UBE2E1: variants seen among roughly 807,000 people sequenced by gnomAD.
UBE2E1 encodes the protein ubiquitin-conjugating enzyme E2 E1.
A neutral mutation model predicts 21.4 loss-of-function variants in UBE2E1; 6 were observed. That is an observed-to-expected ratio of 0.28 (90% CI 0.15 to 0.55). UBE2E1 has a LOEUF of 0.55. UBE2E1 is among the 20% of genes least tolerant of loss of function. The pLI is 0.93. For missense variants in UBE2E1, 142 were observed against 236.5 expected, an observed-to-expected ratio of 0.60 and a Z score of 2.62; for synonymous variants, 87 against 82.7, an observed-to-expected ratio of 1.05 and a Z score of -0.28.
intron 5 of UBE2E1, among the ~76,000 whole-genome samples, chr3:23,890,049 C>G (rs1002121608): frequency 7.9e-5 from 12 of 152,158 alleles, no homozygotes; most frequent in African/African-American, 2.9e-4. Context: ...CAACCTGGCT[C>G]TTTAACCAGC....
intron 3 of UBE2E1, among the ~76,000 whole-genome samples, chr3:23,871,210 G>C (rs1222003695): frequency 6.6e-6 from 1 of 150,780 alleles, no homozygotes; most frequent in Admixed American, 6.6e-5. Context: ...CCCAGACGGG[G>C]TGGTGGCCGG....
At chr3:23,837,234 G>A (rs1214063671) in intron 3 of UBE2E1, among the ~76,000 whole-genome samples, 1 of 152,162 alleles carries the variant, frequency 6.6e-6, no homozygotes, top group Non-Finnish European at 1.5e-5. Context: ...CAGTTATACA[G>A]GTGAGGAAGT....
intron 3 of UBE2E1, among the ~76,000 whole-genome samples, chr3:23,883,196 A>T (rs1234599589): frequency 6.6e-6 from 1 of 152,252 alleles, no homozygotes; most frequent in African/African-American, 2.4e-5. Context: ...ATTCTATGGT[A>T]CACTTCAACC....
intron 3 of UBE2E1, among the ~76,000 whole-genome samples, chr3:23,817,376 T>G (rs1230448864): frequency 7.2e-6 from 1 of 139,748 alleles, no homozygotes; most frequent in Non-Finnish European, 1.5e-5. Flanking sequence ...GAGCCAAGAT[T>G]ACGCCACTGC....
intron 3 of UBE2E1, among the ~76,000 whole-genome samples, chr3:23,862,725 T>A (rs1700581736): frequency 6.6e-6 from 1 of 152,122 alleles, no homozygotes; most frequent in Non-Finnish European, 1.5e-5. Context: ...CGTCTTATCT[T>A]TCTTATTATT....
At chr3:23,866,676 A>C (rs1387507427) in intron 3 of UBE2E1, among the ~76,000 whole-genome samples, 1 of 146,206 alleles carries the variant, frequency 6.8e-6, no homozygotes, top group East Asian at 2.0e-4. Context: ...TCACATTATT[A>C]TCGAAATTCC....
chr3:23,885,140 G>C (rs1171838523), intron 3 of UBE2E1, among the ~76,000 whole-genome samples: 1 of 152,192 alleles, frequency 6.6e-6, no homozygotes, highest in African/African-American at 2.4e-5. Flanking sequence ...TTGGTTTCCA[G>C]ACAACTGTCT....
chr3:23,827,184 AT>A (rs898352801), intron 3 of UBE2E1, among the ~76,000 whole-genome samples: 2 of 152,234 alleles, frequency 1.3e-5, no homozygotes, highest in Non-Finnish European at 2.9e-5. Flanking sequence ...AATAAAAAAA[AT>A]CAAAATACAA....
chr3:23,856,488 C>T (rs930902714), intron 3 of UBE2E1, among the ~76,000 whole-genome samples: 9 of 152,212 alleles, frequency 5.9e-5, no homozygotes, highest in African/African-American at 2.2e-4. Context: ...CATTATTTTC[C>T]TGGTACATTG....
chr3:23,821,369 A>G (rs1037036972), intron 3 of UBE2E1, among the ~76,000 whole-genome samples: 4 of 152,262 alleles, frequency 2.6e-5, no homozygotes, highest in African/African-American at 9.6e-5. Context: ...GAGGGAAGGT[A>G]AAAACAGGCC....
chr3:23,841,489 TTTATA>T (rs1299109693), intron 3 of UBE2E1, among the ~76,000 whole-genome samples: 1 of 152,212 alleles, frequency 6.6e-6, no homozygotes, highest in Non-Finnish European at 1.5e-5. Flanking sequence ...CACAAGAATA[TTTATA>T]TTATATGTGT....
Position 23,862,067 on chromosome 3 carries a change from G to A in UBE2E1, c.204-25500G>A, listed in dbSNP as rs540192060. Among the ~76,000 whole-genome samples, 94 of 152,310 alleles carry A rather than the reference G, an allele frequency of 6.2e-4. 1 individual carries two copies. Among genetic ancestry groups the A allele is most frequent in the Admixed American group, 5.9e-4 (9 of 15,302 alleles). On this transcript the variant is annotated intron_variant, in intron 3 of 5. Coordinates refer to ENST00000306627, the MANE Select transcript of UBE2E1 (RefSeq NM_003341.5). ...TACCCCTAGACACTGCCGTGGGGTCGGCGCCTCACAGCCCGCCTGTCTGTA... is the reference window on the plus strand; with the variant it reads ...TACCCCTAGACACTGCCGTGGGGTCAGCGCCTCACAGCCCGCCTGTCTGTA...
chr3:23,866,191 T>C (rs1700652970), intron 3 of UBE2E1: 1 of 152,712 alleles, frequency 6.5e-6, no homozygotes, highest in African/African-American at 2.4e-5. Context: ...TTCCCCCAAG[T>C]GCAGTAAATA....
At chr3:23,840,414 C>G (rs1203539428) in intron 3 of UBE2E1, among the ~76,000 whole-genome samples, 1 of 152,084 alleles carries the variant, frequency 6.6e-6, no homozygotes, top group African/African-American at 2.4e-5. Context: ...TATTCTTGAG[C>G]TTTGTCGTAA....
Position 23,891,558 on chromosome 3 carries a change from T to G in UBE2E1, c.*952T>G, listed in dbSNP as rs1050104729. ...CCTACTGCATCTTTTTAAAAGCATTTTCTGACTTGCAGATGCTGTAGTAGC... is the reference window on the plus strand; with the variant it reads ...CCTACTGCATCTTTTTAAAAGCATTGTCTGACTTGCAGATGCTGTAGTAGC... On this transcript the variant is annotated 3_prime_UTR_variant, in exon 6 of 6. Coordinates refer to ENST00000306627, the MANE Select transcript of UBE2E1 (RefSeq NM_003341.5). 1 of 152,186 alleles carries G rather than the reference T, an allele frequency of 6.6e-6. No individual in the cohort carries two copies. Among genetic ancestry groups the G allele is most frequent in the African/African-American group, 2.4e-5 (1 of 41,444 alleles). 9.4% of individuals were successfully genotyped at this position (152,186 alleles called of 1,614,324 possible).
chr3:23,878,991 T>G, intron 3 of UBE2E1: 1 of 467,736 alleles, frequency 2.1e-6, no homozygotes, highest in Non-Finnish European at 4.2e-6. Context: ...CTTTAGTCCA[T>G]CTCCTATGAT....
At chr3:23,874,642 C>G (rs1011024866) in intron 3 of UBE2E1, among the ~76,000 whole-genome samples, 2 of 152,218 alleles carry the variant, frequency 1.3e-5, no homozygotes, top group East Asian at 3.9e-4. Context: ...TGTCCTGACT[C>G]GTTTTTTCTA....
chr3:23,838,743 T>C (rs1279863442), intron 3 of UBE2E1, among the ~76,000 whole-genome samples: 2 of 152,142 alleles, frequency 1.3e-5, no homozygotes, highest in Non-Finnish European at 2.9e-5. Flanking sequence ...GGGATCTGCC[T>C]GCCTCGGCCT....
At chr3:23,854,577 A>G (rs918244972) in intron 3 of UBE2E1, among the ~76,000 whole-genome samples, 1 of 152,210 alleles carries the variant, frequency 6.6e-6, no homozygotes, top group African/African-American at 2.4e-5. Context: ...CTTTTGAGTC[A>G]GGTATCTATA....
Sources: gnomAD v4.1 joint callset for allele counts (sites outside exome capture counted in the v4.1 genomes callset) on GRCh38, gnomAD v4.1.1 for gene constraint, MANE v1.5 for transcripts, NCBI Gene and HGNC (gene_info 2026-07-23, HGNC 2026-07-21) for gene names.